The following FAT3 variants were observed in gnomAD, a reference collection of about 807,000 sequenced individuals.
FAT3 encodes the protein FAT atypical cadherin 3.
A neutral mutation model predicts 310.2 loss-of-function variants in FAT3; 95 were observed. The ratio of observed to expected loss-of-function variants is 0.31; its 90% CI spans 0.26 to 0.36. The LOEUF is 0.36. Ranked by LOEUF, FAT3 falls within the 10% of genes least tolerant of loss-of-function variation. The pLI is 1.00. For synonymous variants in FAT3, 2,314 were observed against 2,192.9 expected (o/e 1.06, Z -1.54); for missense variants, 5,408 against 5,715.6 (o/e 0.95, Z 1.74).
At chr11:92,714,609 G>A (rs1346941326) in intron 4 of FAT3, among the ~76,000 whole-genome samples, 1 of 152,098 alleles carries the variant, frequency 6.6e-6, no homozygotes, top group African/African-American at 2.4e-5. Flanking sequence ...AAAAGGTCCT[G>A]GAACAAGTTC....
intron 3 of FAT3, among the ~76,000 whole-genome samples, chr11:92,544,744 C>A (rs1285089430): frequency 6.6e-6 from 1 of 152,190 alleles, no homozygotes; most frequent in Non-Finnish European, 1.5e-5. Flanking sequence ...GTTCAGCATT[C>A]TCCTCTGGGA....
At chr11:92,268,280 C>G (rs1045482481) in intron 1 of FAT3, among the ~76,000 whole-genome samples, 2 of 151,986 alleles carry the variant, frequency 1.3e-5, no homozygotes, top group African/African-American at 2.4e-5. Context: ...TGAATTTAAG[C>G]CTTTGTACTG....
At chr11:92,565,134 C>A (rs10765554) in intron 3 of FAT3, among the ~76,000 whole-genome samples, 1 of 124,114 alleles carries the variant, frequency 8.1e-6, no homozygotes, top group Non-Finnish European at 1.7e-5. Context: ...ATTGATAGAC[C>A]GCTAGCAAGA....
intron 4 of FAT3, among the ~76,000 whole-genome samples, chr11:92,699,502 A>G (rs1004166439): frequency 6.6e-6 from 1 of 152,206 alleles, no homozygotes; most frequent in Non-Finnish European, 1.5e-5. Flanking sequence ...TTATAAAAAA[A>G]TTTTTTAAAT....
intron 4 of FAT3, among the ~76,000 whole-genome samples, chr11:92,717,760 A>G (rs574108456): frequency 1.8e-4 from 28 of 152,248 alleles, no homozygotes; most frequent in African/African-American, 6.7e-4. Context: ...TCTGTGGTCA[A>G]TGTGATGGGG....
rs745471596 is a variant in FAT3 at position 92,801,857 on chromosome 11, C to T, written c.8844C>T (p.Thr2948=). The T allele has an allele frequency of 2.5e-6, 4 of 1,613,780 alleles. No individual in the cohort carries two copies. The African/African-American group carries it at 5.3e-5, about 22-fold the overall frequency. The change falls in exon 10 of 28, where the codon ACC becomes ACT. Residue 2948 remains threonine (T), a synonymous_variant. Transcript: ENST00000525166. ...PPGEVVAVLS[T]WDRDTSDVNR... is the part of the protein sequence containing the mutation. Reference sequence around the variant, plus strand: ...GCGAGGTGGTAGCCGTCCTCAGCACCTGGGACAGAGACACATCCGACGTTA... The same window carrying T: ...GCGAGGTGGTAGCCGTCCTCAGCACTTGGGACAGAGACACATCCGACGTTA...
At chr11:92,794,457 G>C (rs1334253046) in intron 9 of FAT3, among the ~76,000 whole-genome samples, 1 of 152,074 alleles carries the variant, frequency 6.6e-6, no homozygotes, top group East Asian at 1.9e-4. Context: ...AACATTAGCT[G>C]TGTGTCTCTA....
At chr11:92,551,138 GGTTA>G (rs1258473585) in intron 3 of FAT3, among the ~76,000 whole-genome samples, 3 of 151,928 alleles carry the variant, frequency 2.0e-5, no homozygotes, top group Admixed American at 6.6e-5. Flanking sequence ...GAGCTCCAAA[GGTTA>G]GTTAGAGACC....
chr11:92,229,507 G>GTTTTTTTTTTTTTTTTTTT (rs1565339350), intron 1 of FAT3, among the ~76,000 whole-genome samples: 1 of 58,158 alleles, frequency 1.7e-5, no homozygotes, highest in African/African-American at 6.4e-5. Flanking sequence ...TTTTTTTTTT[G>GTTTTTTTTTTTTTTTTTTT]TTTTTTGTTT....
chr11:92,452,914 T>C (rs565628125), intron 2 of FAT3, among the ~76,000 whole-genome samples: 168 of 152,100 alleles, frequency 1.1e-3, no homozygotes, highest in African/African-American at 3.7e-3. Context: ...GCTGGGACTA[T>C]AGGTGTGTGC....
intron 3 of FAT3, among the ~76,000 whole-genome samples, chr11:92,643,407 G>T (rs1019402155): frequency 1.4e-4 from 21 of 152,200 alleles, no homozygotes; most frequent in Non-Finnish European, 1.5e-5. Flanking sequence ...GCAGTGTCCA[G>T]AAAGTTTGTA....
intron 1 of FAT3, among the ~76,000 whole-genome samples, chr11:92,335,316 C>T (rs937934197): frequency 1.3e-5 from 2 of 152,008 alleles, no homozygotes; most frequent in African/African-American, 4.8e-5. Flanking sequence ...GAAGGTTTCA[C>T]TCTTTGACTT....
intron 7 of FAT3, among the ~76,000 whole-genome samples, chr11:92,787,616 C>T (rs1339688647): frequency 6.6e-6 from 1 of 150,492 alleles, no homozygotes; most frequent in Non-Finnish European, 1.5e-5. Context: ...TTTTAAATTG[C>T]AATTATGCTA....
chr11:92,647,576 T>C (rs1339685545), intron 3 of FAT3, among the ~76,000 whole-genome samples: 2 of 152,174 alleles, frequency 1.3e-5, no homozygotes, highest in African/African-American at 4.8e-5. Context: ...AAACAGATGA[T>C]AATTCTTATA....
chr11:92,380,478 T>C (rs1266625865), intron 2 of FAT3, among the ~76,000 whole-genome samples: 1 of 152,186 alleles, frequency 6.6e-6, no homozygotes, highest in Non-Finnish European at 1.5e-5. Flanking sequence ...AAAGAAACCA[T>C]GTTGACTGTG....
intron 5 of FAT3, 148 bp downstream of exon 5, chr11:92,762,318 G>A: frequency 1.4e-6 from 1 of 736,984 alleles, no homozygotes; most frequent in Non-Finnish European, 2.2e-6. Flanking sequence ...GCAAGTGCAG[G>A]TGAGAACTCT....
At chr11:92,288,952 GT>G (rs1008716697) in intron 1 of FAT3, among the ~76,000 whole-genome samples, 14 of 152,224 alleles carry the variant, frequency 9.2e-5, no homozygotes, top group African/African-American at 3.4e-4. Flanking sequence ...TCTATTCCTT[GT>G]GAATGTGCTG....
intron 4 of FAT3, among the ~76,000 whole-genome samples, chr11:92,733,115 C>G (rs1945237082): frequency 6.6e-6 from 1 of 152,110 alleles, no homozygotes; most frequent in Non-Finnish European, 1.5e-5. Flanking sequence ...AGTGGTTACA[C>G]AAGGGTAGCA....
chr11:92,820,045 T>G (rs1212088050), intron 13 of FAT3, among the ~76,000 whole-genome samples: 1 of 152,150 alleles, frequency 6.6e-6, no homozygotes, highest in Non-Finnish European at 1.5e-5. Context: ...ATAGCAGAAG[T>G]GATGATATCA....
Sources: gnomAD v4.1 joint callset for allele counts (sites outside exome capture counted in the v4.1 genomes callset) on GRCh38, gnomAD v4.1.1 for gene constraint, MANE v1.5 for transcripts, NCBI Gene and HGNC (gene_info 2026-07-23, HGNC 2026-07-21) for gene names.